ENPP7: variants seen among roughly 807,000 people sequenced by gnomAD.
The protein encoded by ENPP7 is ectonucleotide pyrophosphatase/phosphodiesterase 7, also known as ectonucleotide pyrophosphatase/phosphodiesterase family member 7.
A neutral mutation model predicts 33.6 loss-of-function variants in ENPP7; 39 were observed. The observed-to-expected ratio is 1.16, with a 90% confidence interval of 0.90 to 1.52. The LOEUF (loss-of-function observed/expected upper bound fraction) is 1.52, where lower values mean the gene tolerates loss of function less well. ENPP7 is among the 40% of genes most tolerant of loss of function. The pLI is 0.00. For synonymous variants in ENPP7, 244 were observed against 274.3 expected (o/e 0.89, Z 1.09); for missense variants, 594 against 641.0 (o/e 0.93, Z 0.79).
At chr17:79,732,935 C>G (rs2094289078) in intron 1 of ENPP7, among the ~76,000 whole-genome samples, 2 of 152,262 alleles carry the variant, frequency 1.3e-5, no homozygotes. Context: ...CGCAGCGCCT[C>G]TTTTGCTCTC....
rs782335464 is a variant in ENPP7 at position 79,735,503 on chromosome 17, T to TC, written c.863dup (p.Lys289Ter). The TC allele has an allele frequency of 6.2e-7, 1 of 1,613,862 alleles. No homozygotes were observed. Among genetic ancestry groups the TC allele is most frequent in the African/African-American group, 1.3e-5 (1 of 74,882 alleles). Reference sequence around the variant, plus strand: ...GACTACGGACCAAACGGGATGCTGCTCCCTAAAGAAGGGAGGCTGGAGAAG... The same window carrying TC: ...GACTACGGACCAAACGGGATGCTGCTCCCCTAAAGAAGGGAGGCTGGAGAAG... On this transcript the variant is annotated frameshift_variant, in exon 3 of 6. Coordinates refer to ENST00000328313, the MANE Select transcript of ENPP7 (RefSeq NM_178543.5). LOFTEE classifies it high-confidence loss of function. The surrounding 1 kb of genome is among the most constrained non-coding windows in gnomAD (Gnocchi z 5.5).
chr17:79,737,457 C>T lies in ENPP7; in HGVS notation c.1246+197C>T, dbSNP rs1192824111. On this transcript the variant is annotated intron_variant, in intron 4 of 5. Transcript: ENST00000328313. The surrounding 1 kb of genome is among the most constrained non-coding windows in gnomAD (Gnocchi z 5.5). ...AGCACCTCATGCATCTCGGGCGGCA[C>T]GAGAGGGCGAGGGGGAGGAGTGGGC... 6.6e-6 allele frequency among the ~76,000 whole-genome samples: 1 copy of T among 152,198 alleles called. No homozygotes were observed.
chr17:79,741,703 C>A, intron 5 of ENPP7, 91 bp from the exon 6 acceptor site: 1 of 635,076 alleles, frequency 1.6e-6, no homozygotes, highest in Non-Finnish European at 2.0e-6. Flanking sequence ...CCCAGTCCAG[C>A]CGCACCGCTG....
Position 79,731,411 on chromosome 17 carries a change from C to T in ENPP7, c.253+19C>T, listed in dbSNP as rs539271712. On this transcript the variant is annotated intron_variant, in intron 1 of 5. Coordinates refer to ENST00000328313, the MANE Select transcript of ENPP7 (RefSeq NM_178543.5). ...GTCACCGGTGAGTACTGCCCTGTGACGGGGCCTGGGGGTGGGAGGGCCTGA... is the reference window on the plus strand; with the variant it reads ...GTCACCGGTGAGTACTGCCCTGTGATGGGGCCTGGGGGTGGGAGGGCCTGA... The T allele has an allele frequency of 8.2e-4, 1,317 of 1,596,902 alleles. 1 individual carries two copies. The highest frequency in any genetic ancestry group is 1.0e-3 in the Non-Finnish European group (1,196 of 1,169,652).
At position 79,731,269 on chromosome 17, in the gene ENPP7, AACT is replaced by A. The variant is rs782511381; in HGVS notation, c.133_135del (p.Tyr45del). 3 of 1,613,848 alleles carry A rather than the reference AACT, an allele frequency of 1.9e-6. No individual in the cohort carries two copies. Among genetic ancestry groups the A allele is most frequent in the Non-Finnish European group, 2.5e-6 (3 of 1,179,982 alleles). On this transcript the variant is annotated inframe_deletion, in exon 1 of 6. Transcript: ENST00000328313. ...GGTGTCCTTCGACGGCTTCCGCTGGAACTACGACCAGGACGTGGACACCCCCAA... is the reference window on the plus strand; with the variant it reads ...GGTGTCCTTCGACGGCTTCCGCTGGAACGACCAGGACGTGGACACCCCCAA...
Position 79,735,199 on chromosome 17 carries a change from G to C in ENPP7, c.556G>C (p.Glu186Gln). Residue 186 changes from glutamate to glutamine, a missense_variant, in exon 3 of 6, where the codon GAG becomes CAG. Glu to Gln is a conservative substitution (Grantham distance 29). Coordinates refer to ENST00000328313, the MANE Select transcript of ENPP7 (RefSeq NM_178543.5). This position sits in a 1 kb window ranked among gnomAD's most constrained non-coding sequence, Gnocchi z 5.5. The part of the protein sequence containing the change: ...IDTVMAWFTE[E>Q]DLDLVTLYFG... ...CACAGTGATGGCGTGGTTCACAGAG[G>C]AGGACCTGGATCTGGTCACACTCTA... 1 of 1,613,438 alleles carries C rather than the reference G, an allele frequency of 6.2e-7. No homozygotes were observed. The highest frequency in any genetic ancestry group is 8.5e-7 in the Non-Finnish European group (1 of 1,180,040).
chr17:79,737,821 T>A lies in ENPP7; in HGVS notation c.1247-95T>A. 7.4e-7 allele frequency: 1 copy of A among 1,360,260 alleles called. No homozygotes were observed. The allele number at this position is 1,360,260 out of a possible 1,614,324, so 84.3% of individuals were successfully genotyped here. ...GGGCGGTGAAAGAGGAAGGAGGGGC[T>A]CGTGGGGACCAACAGAGGACCCCGA... is the stretch of plus-strand genomic sequence containing the variant. On this transcript the variant is annotated intron_variant, in intron 4 of 5. Coordinates refer to ENST00000328313, the MANE Select transcript of ENPP7 (RefSeq NM_178543.5). This position sits in a 1 kb window ranked among gnomAD's most constrained non-coding sequence, Gnocchi z 5.5.
rs919004512 is a variant in ENPP7, at chr17:79,737,424, C to A, written c.1246+164C>A. On this transcript the variant is annotated intron_variant, in intron 4 of 5. Coordinates refer to ENST00000328313, the MANE Select transcript of ENPP7 (RefSeq NM_178543.5). This position sits in a 1 kb window ranked among gnomAD's most constrained non-coding sequence, Gnocchi z 5.5. The stretch of plus-strand genomic sequence containing the variant: ...CTCTCACATTCCCACAACACGTGAC[C>A]TCTCACGAGCACCTCATGCATCTCG... 6.6e-6 allele frequency among the ~76,000 whole-genome samples: 1 copy of A among 152,228 alleles called. No individual in the cohort carries two copies. Among genetic ancestry groups the A allele is most frequent in the Non-Finnish European group, 1.5e-5 (1 of 68,030 alleles).
Position 79,737,020 on chromosome 17 carries a change from C to T in ENPP7, c.1027-21C>T. Reference sequence around the variant, plus strand: ...TGTTGCTCCCAGCAAGGACCCAGGACCCTTGCCCGCTCCCCGGCAGAGAAT... The same window carrying T: ...TGTTGCTCCCAGCAAGGACCCAGGATCCTTGCCCGCTCCCCGGCAGAGAAT... On this transcript the variant is annotated intron_variant, in intron 3 of 5. Coordinates refer to ENST00000328313, the MANE Select transcript of ENPP7 (RefSeq NM_178543.5). The surrounding 1 kb of genome is among the most constrained non-coding windows in gnomAD (Gnocchi z 5.5). 6.2e-7 allele frequency: 1 copy of T among 1,609,110 alleles called. No homozygotes were observed. The highest frequency in any genetic ancestry group is 1.1e-5 in the South Asian group (1 of 90,954).
intron 1 of ENPP7, among the ~76,000 whole-genome samples, 164 bp downstream of exon 1, chr17:79,731,556 G>A (rs1330976851): frequency 6.8e-6 from 1 of 147,986 alleles, no homozygotes; most frequent in Non-Finnish European, 1.5e-5. Context: ...ACAGATCCGG[G>A]ACAAAGAAAA....
intron 1 of ENPP7, among the ~76,000 whole-genome samples, chr17:79,733,214 C>G (rs546814134): frequency 6.6e-6 from 1 of 152,342 alleles, no homozygotes; most frequent in African/African-American, 2.4e-5. Flanking sequence ...TCCCTGCACA[C>G]GCATTCGTGC....
rs1445094126 is a variant in ENPP7, at chr17:79,732,147, TATACACAC to T, written c.253+757_253+764del. Among the ~76,000 whole-genome samples, 3 of 66,012 alleles carry T rather than the reference TATACACAC, an allele frequency of 4.5e-5. No homozygotes were observed. In the East Asian group the frequency reaches 3.1e-3, roughly 67 times the overall value. 43.3% of individuals were successfully genotyped at this position (66,012 alleles called of 152,430 possible). A position where few individuals can be genotyped will look rare whatever the true frequency, so the allele number is the denominator to read the frequency against. On this transcript the variant is annotated intron_variant, in intron 1 of 5. Transcript: ENST00000328313. The stretch of plus-strand genomic sequence containing the variant: ...ATATATATATGTATATATATATATA[TATACACAC>T]ACATATATATATATATGAGGCCAAG...
At position 79,735,378 on chromosome 17, in the gene ENPP7, C is replaced by T. The variant is rs782431630; in HGVS notation, c.735C>T (p.Ser245=). ...LTDRLNLIIT[S]DHGMTTVDKR... ...ACCGCCTCAACCTGATCATCACATC[C>T]GACCACGGCATGACGACCGTGGACA... The change falls in exon 3 of 6, where the codon TCC becomes TCT. Residue 245 remains serine, a synonymous_variant. Coordinates refer to ENST00000328313, the MANE Select transcript of ENPP7 (RefSeq NM_178543.5). The surrounding 1 kb of genome is among the most constrained non-coding windows in gnomAD (Gnocchi z 5.5). 29 of 1,613,906 alleles carry T rather than the reference C, an allele frequency of 1.8e-5. No homozygotes were observed. The highest frequency in any genetic ancestry group is 2.2e-5 in the East Asian group (1 of 44,894).
At position 79,737,848 on chromosome 17, in the gene ENPP7, T is replaced by A; in HGVS notation, c.1247-68T>A. The A allele has an allele frequency of 6.4e-7, 1 of 1,566,596 alleles. No homozygotes were observed. Among genetic ancestry groups the A allele is most frequent in the Non-Finnish European group, 8.7e-7 (1 of 1,143,508 alleles). ...GTGGGGACCAACAGAGGACCCCGAG[T>A]TTACTGTGGAGAGGCTGGGGTGAGG... is the stretch of plus-strand genomic sequence containing the variant. On this transcript the variant is annotated intron_variant, in intron 4 of 5. Coordinates refer to ENST00000328313, the MANE Select transcript of ENPP7 (RefSeq NM_178543.5). The surrounding 1 kb of genome is among the most constrained non-coding windows in gnomAD (Gnocchi z 5.5).
In ENPP7 at chr17:79,731,305, G is replaced by A. The variant is rs367721036; in HGVS notation, c.166G>A (p.Ala56Thr). ...GGACGTGGACACCCCCAACCTGGACGCCATGGCCCGAGACGGGGTGAAGGC... is the reference window on the plus strand; with the variant it reads ...GGACGTGGACACCCCCAACCTGGACACCATGGCCCGAGACGGGGTGAAGGC... Reference protein sequence around the residue: ...DQDVDTPNLDAMARDGVKARY... With the variant: ...DQDVDTPNLDTMARDGVKARY... The change falls in exon 1 of 6, where the codon GCC becomes ACC. Residue 56 changes from alanine to threonine, a missense_variant. Ala to Thr is a moderately conservative substitution (Grantham distance 58, BLOSUM62 0). Transcript: ENST00000328313. 6 of 1,613,774 alleles carry A rather than the reference G, an allele frequency of 3.7e-6. No homozygotes were observed. The highest frequency in any genetic ancestry group is 2.2e-5 in the South Asian group (2 of 91,076).
In ENPP7 at chr17:79,739,680, C is replaced by T. The variant is rs1192618562; in HGVS notation, c.*16+1618C>T. 7 of 152,304 alleles carry T rather than the reference C, an allele frequency of 4.6e-5. No individual in the cohort carries two copies. Among genetic ancestry groups the T allele is most frequent in the South Asian group, 2.1e-4 (1 of 4,832 alleles). 9.4% of individuals were successfully genotyped at this position (152,304 alleles called of 1,614,324 possible). Reference sequence around the variant, plus strand: ...AGCCTCAATGCCGGCGACGCGGCCACGTGCAGCTGTTCCTGGGCACAGGTT... The same window carrying T: ...AGCCTCAATGCCGGCGACGCGGCCATGTGCAGCTGTTCCTGGGCACAGGTT... On this transcript the variant is annotated intron_variant, in intron 5 of 5. Coordinates refer to ENST00000328313, the MANE Select transcript of ENPP7 (RefSeq NM_178543.5). The surrounding 1 kb of genome is among the most constrained non-coding windows in gnomAD (Gnocchi z 4.4).
At chr17:79,736,725 C>T (rs2094296623) in intron 3 of ENPP7, among the ~76,000 whole-genome samples, 1 of 152,202 alleles carries the variant, frequency 6.6e-6, no homozygotes, top group Non-Finnish European at 1.5e-5. Flanking sequence ...GCAGACATCC[C>T]CGGAAAGGAA....
chr17:79,740,274 G>A (rs1555824351), intron 5 of ENPP7, among the ~76,000 whole-genome samples: 1 of 152,140 alleles, frequency 6.6e-6, no homozygotes, highest in East Asian at 1.9e-4. Flanking sequence ...GTGTGGTGGG[G>A]AGGACCATTC....
chr17:79,740,634 G>A (rs1905455189), intron 5 of ENPP7, among the ~76,000 whole-genome samples: 1 of 152,172 alleles, frequency 6.6e-6, no homozygotes, highest in South Asian at 2.1e-4. Context: ...GGAAATTGAA[G>A]CACAGAAAAT....
Sources: allele counts gnomAD v4.1 joint callset (sites outside exome capture counted in the v4.1 genomes callset), GRCh38; gene constraint gnomAD v4.1.1; non-coding constraint Gnocchi (gnomAD v3.1); transcripts MANE v1.5; gene names NCBI Gene and HGNC (gene_info 2026-07-23, HGNC 2026-07-21).